LRP2: variants seen among roughly 807,000 people sequenced by gnomAD.
LRP2 encodes the protein low-density lipoprotein receptor-related protein 2.
LRP2 carries 172 observed loss-of-function variants against 531.0 expected under a neutral mutation model. That is an observed-to-expected ratio of 0.32 (90% CI 0.29 to 0.37). The LOEUF (loss-of-function observed/expected upper bound fraction) is 0.37. LRP2 is among the 10% of genes least tolerant of loss of function. LRP2 has a pLI of 1.00. For synonymous variants in LRP2, 1,992 were observed against 2,027.6 expected (o/e 0.98, Z 0.47); for missense variants, 5,167 against 5,868.3 (o/e 0.88, Z 3.90).
At chr2:169,139,494 T>C (rs899790081) in intron 73 of LRP2, 49 bp downstream of exon 73, 7 of 1,611,396 alleles carry the variant, frequency 4.3e-6, no homozygotes, top group Non-Finnish European at 5.9e-6. Flanking sequence ...CAGCATTCAA[T>C]GTAGGGGCCA....
intron 67 of LRP2, among the ~76,000 whole-genome samples, chr2:169,152,557 G>GGT (rs925769175): frequency 1.3e-5 from 2 of 151,902 alleles, no homozygotes; most frequent in African/African-American, 4.8e-5. Context: ...TATTGACCTG[G>GGT]GTGCTTTCCC....
At chr2:169,278,077 C>T (rs1487584601) in intron 12 of LRP2, 126 bp from the exon 13 acceptor site, 1 of 747,938 alleles carries the variant, frequency 1.3e-6, no homozygotes, top group African/African-American at 1.8e-5. Context: ...CAGTATAAAA[C>T]AACAGGGAAA....
intron 51 of LRP2, 31 bp from the exon 52 acceptor site, chr2:169,181,649 T>C (rs745840969): frequency 3.1e-6 from 5 of 1,606,368 alleles, no homozygotes; most frequent in African/African-American, 2.7e-5. Flanking sequence ...GGTCAGTCCC[T>C]GATGCCAAAA....
chr2:169,358,915 AAG>A lies in LRP2; in HGVS notation c.79+3404_79+3405del, dbSNP rs3033128. Among the ~76,000 whole-genome samples the A allele has an allele frequency of 4.7e-3, 716 of 151,010 alleles. 3 individuals are homozygous for A. Among genetic ancestry groups the A allele is most frequent in the South Asian group, 0.019 (89 of 4,774 alleles). The stretch of plus-strand genomic sequence containing the variant: ...GATTTTCTCAAAAAAAAAAAAAAAA[AAG>A]AAAAAATCTTCCAATCACATGCTAG... On this transcript the variant is annotated intron_variant, in intron 1 of 78. Coordinates refer to ENST00000649046, the MANE Select transcript of LRP2 (RefSeq NM_004525.3).
At position 169,321,000 on chromosome 2, in the gene LRP2, C is replaced by T. The variant is rs116665860; in HGVS notation, c.80-116G>A. ...AACTAATTAGATAATCAAAGAAATGCAAATTAGAAAATTAGGTAAACATTC... is the reference window on the plus strand; with the variant it reads ...AACTAATTAGATAATCAAAGAAATGTAAATTAGAAAATTAGGTAAACATTC... On this transcript the variant is annotated intron_variant, in intron 1 of 78. Transcript: ENST00000649046. 10,318 of 733,204 alleles carry T rather than the reference C, an allele frequency of 0.014. 122 individuals carry two copies. Among genetic ancestry groups the T allele is most frequent in the Non-Finnish European group, 0.019 (7,901 of 418,476 alleles). The allele number at this position is 733,204 out of a possible 1,614,324, so 45.4% of individuals were successfully genotyped here.
rs749056199 is a variant in LRP2 at position 169,142,659 on chromosome 2, G to A, written c.13108+15C>T. The A allele has an allele frequency of 1.9e-6, 3 of 1,613,394 alleles. No individual in the cohort carries two copies. Among genetic ancestry groups the A allele is most frequent in the Admixed American group, 1.7e-5 (1 of 59,988 alleles). ...TGCTCCCAGGCCCCCATAGCTGCTT[G>A]GGCAGTGCTCCTACCTGCATCACAC... On this transcript the variant is annotated intron_variant, in intron 71 of 78. Coordinates refer to ENST00000649046, the MANE Select transcript of LRP2 (RefSeq NM_004525.3).
chr2:169,337,098 A>G (rs1383876490), intron 1 of LRP2, among the ~76,000 whole-genome samples: 3 of 152,074 alleles, frequency 2.0e-5, no homozygotes, highest in Non-Finnish European at 4.4e-5. Context: ...TCAGATCCCC[A>G]TGACATGGCC....
At chr2:169,302,502 C>T (rs1340780684) in intron 4 of LRP2, among the ~76,000 whole-genome samples, 5 of 152,054 alleles carry the variant, frequency 3.3e-5, no homozygotes, top group Admixed American at 6.6e-5. Context: ...TGGATTGTCA[C>T]GACTGGGCAA....
At position 169,172,042 on chromosome 2, in the gene LRP2, C is replaced by T. The variant is rs1558993749; in HGVS notation, c.11236G>A (p.Gly3746Arg). The T allele has an allele frequency of 2.5e-6, 4 of 1,614,040 alleles. No individual in the cohort carries two copies. Among genetic ancestry groups the T allele is most frequent in the Non-Finnish European group, 3.4e-6 (4 of 1,180,030 alleles). Residue 3746 changes from glycine to arginine, a missense_variant, in exon 58 of 79, where the codon GGA (glycine) becomes AGA (arginine). Gly to Arg is a moderately radical substitution (Grantham distance 125). Transcript: ENST00000649046. ...CAGTTTTCCTCATCTGAGTTATCTC[C>T]ACAGTCATTTTGCCCATCACACTGC... The part of the protein sequence containing the change: ...RWQCDGQNDC[G>R]DNSDEENCAP...
At chr2:169,256,336 A>G (rs1446799412) in intron 18 of LRP2, 100 bp from the exon 19 acceptor site, 3 of 878,050 alleles carry the variant, frequency 3.4e-6, no homozygotes, top group Non-Finnish European at 5.3e-6. Context: ...TGACACATTT[A>G]TTAAACAAAG....
intron 62 of LRP2, among the ~76,000 whole-genome samples, chr2:169,163,810 T>A (rs911525619): frequency 1.3e-5 from 2 of 152,148 alleles, no homozygotes; most frequent in African/African-American, 4.8e-5. Context: ...TGGTAGCATA[T>A]TTCCCTTTCC....
chr2:169,157,129 C>G (rs1159868709), intron 64 of LRP2, among the ~76,000 whole-genome samples: 1 of 152,136 alleles, frequency 6.6e-6, no homozygotes, highest in Admixed American at 6.6e-5. Context: ...TCATTCATAT[C>G]AATTCCACAG....
chr2:169,139,510 A>G, intron 73 of LRP2, 33 bp downstream of exon 73: 1 of 1,613,188 alleles, frequency 6.2e-7, no homozygotes. Flanking sequence ...GGCCATGAGT[A>G]ATTTCCAAGT....
intron 11 of LRP2, among the ~76,000 whole-genome samples, chr2:169,280,015 TGC>T (rs1422287437): frequency 1.3e-5 from 2 of 152,324 alleles, no homozygotes; most frequent in East Asian, 3.9e-4. Context: ...AAAAGCAGTG[TGC>T]TTTTTACATT....
In LRP2 at chr2:169,204,208, A is replaced by G; in HGVS notation, c.7779T>C (p.Val2593=). Residue 2593 remains valine, a synonymous_variant, in exon 42 of 79, where the codon GTT becomes GTC. Transcript: ENST00000649046. The part of the protein sequence containing the change: ...VDREVIVNAA[V]HAFGLTLYGQ... ...CATAGAGAGTCAAGCCAAAAGCATG[A>G]ACGGCTGCATTGACAATGACTTCAC... The G allele has an allele frequency of 6.2e-7, 1 of 1,614,176 alleles. No individual in the cohort carries two copies. The highest frequency in any genetic ancestry group is 8.5e-7 in the Non-Finnish European group (1 of 1,180,024).
intron 41 of LRP2, among the ~76,000 whole-genome samples, 200 bp from the exon 42 acceptor site, chr2:169,204,471 C>A (rs939389876): frequency 6.6e-6 from 1 of 152,094 alleles, no homozygotes; most frequent in Non-Finnish European, 1.5e-5. Flanking sequence ...TATATAAAAT[C>A]ATTGACTTCC....
At chr2:169,213,011 G>A (rs1328960238) in intron 36 of LRP2, among the ~76,000 whole-genome samples, 1 of 151,838 alleles carries the variant, frequency 6.6e-6, no homozygotes, top group Non-Finnish European at 1.5e-5. Context: ...AATACCTAGT[G>A]ACAAACTTAG....
intron 77 of LRP2, 78 bp downstream of exon 77, chr2:169,132,496 T>A: frequency 1.2e-6 from 1 of 813,370 alleles, no homozygotes; most frequent in South Asian, 1.3e-5. Flanking sequence ...CTCCCTTGTT[T>A]GCTTAAGGTT....
chr2:169,354,488 C>A (rs562174493), intron 1 of LRP2, among the ~76,000 whole-genome samples: 1 of 152,276 alleles, frequency 6.6e-6, no homozygotes, highest in African/African-American at 2.4e-5. Flanking sequence ...TTTCCAGTAA[C>A]CTTGAGGTCA....
Sources: allele counts gnomAD v4.1 joint callset (sites outside exome capture counted in the v4.1 genomes callset), GRCh38; gene constraint gnomAD v4.1.1; transcripts MANE v1.5; gene names NCBI Gene and HGNC (gene_info 2026-07-23, HGNC 2026-07-21).